The following GRID1 variants were observed in gnomAD, a reference collection of about 807,000 sequenced individuals.
GRID1 encodes glutamate receptor ionotropic, delta-1.
GRID1 carries 28 observed loss-of-function variants against 98.0 expected under a neutral mutation model. That is an observed-to-expected ratio of 0.29 (90% CI 0.21 to 0.39). The LOEUF (loss-of-function observed/expected upper bound fraction) is 0.39, where lower values mean the gene tolerates loss of function less well. GRID1 is among the 10% of genes least tolerant of loss of function. The pLI is 1.00. For missense variants in GRID1, 1,111 were observed against 1,340.5 expected (o/e 0.83, Z 2.67); for synonymous variants, 553 against 538.5 (o/e 1.03, Z -0.37).
At chr10:86,043,012 G>A (rs1843368741) in intron 4 of GRID1, among the ~76,000 whole-genome samples, 1 of 151,756 alleles carries the variant, frequency 6.6e-6, no homozygotes, top group Admixed American at 6.6e-5. Context: ...TTGAGCCAGT[G>A]AGGTCAAGGC....
intron 5 of GRID1, among the ~76,000 whole-genome samples, chr10:85,914,424 G>T (rs908240723): frequency 6.6e-6 from 1 of 152,168 alleles, no homozygotes; most frequent in Non-Finnish European, 1.5e-5. Flanking sequence ...GAGCCACAGA[G>T]AAGTCAGCAA....
At chr10:86,238,441 C>T (rs1846574669) in intron 2 of GRID1, among the ~76,000 whole-genome samples, 1 of 152,156 alleles carries the variant, frequency 6.6e-6, no homozygotes, top group African/African-American at 2.4e-5. Flanking sequence ...GCAGGCAGAT[C>T]ATGAGGTCAA....
chr10:86,191,552 G>A (rs894099708), intron 3 of GRID1, among the ~76,000 whole-genome samples: 14 of 151,608 alleles, frequency 9.2e-5, no homozygotes, highest in Non-Finnish European at 1.9e-4. Flanking sequence ...TGACCACTGA[G>A]AAGCATGGTC....
At chr10:85,749,330 A>G (rs1842025370) in intron 8 of GRID1, among the ~76,000 whole-genome samples, 1 of 152,118 alleles carries the variant, frequency 6.6e-6, no homozygotes, top group African/African-American at 2.4e-5. Context: ...TCACAAGTTG[A>G]TGGGGTAGAA....
intron 2 of GRID1, among the ~76,000 whole-genome samples, chr10:86,285,277 C>T (rs545180230): frequency 6.6e-5 from 10 of 152,344 alleles, no homozygotes; most frequent in Admixed American, 1.3e-4. Context: ...CCTCTCCCGC[C>T]TCTGTCTCAG....
chr10:86,328,557 T>G (rs1171687715), intron 2 of GRID1, among the ~76,000 whole-genome samples: 2 of 152,234 alleles, frequency 1.3e-5, no homozygotes, highest in Non-Finnish European at 2.9e-5. Flanking sequence ...AGCACTTTCA[T>G]GGGCTTTTCC....
At chr10:86,111,675 T>C (rs1844486654) in intron 4 of GRID1, among the ~76,000 whole-genome samples, 1 of 152,214 alleles carries the variant, frequency 6.6e-6, no homozygotes, top group Non-Finnish European at 1.5e-5. Context: ...TATTTGCACC[T>C]GGTGAAAGTG....
intron 10 of GRID1, among the ~76,000 whole-genome samples, chr10:85,725,030 C>A (rs950318497): frequency 1.3e-5 from 2 of 152,060 alleles, no homozygotes; most frequent in Non-Finnish European, 1.5e-5. Context: ...TTCCCTCTAC[C>A]CTCCACCAAG....
chr10:85,974,944 C>T (rs1430593969), intron 4 of GRID1, among the ~76,000 whole-genome samples: 1 of 152,208 alleles, frequency 6.6e-6, no homozygotes, highest in Non-Finnish European at 1.5e-5. Context: ...CTTTGATTGA[C>T]TTTGATCAGT....
intron 8 of GRID1, among the ~76,000 whole-genome samples, chr10:85,736,123 AGGG>A: frequency 7.5e-6 from 1 of 133,544 alleles, no homozygotes; most frequent in Non-Finnish European, 1.6e-5. Context: ...CGAAGGAGGG[AGGG>A]AGAAAGGAAG....
chr10:86,349,067 C>T (rs115297420), intron 2 of GRID1, among the ~76,000 whole-genome samples: 1,809 of 152,304 alleles, frequency 0.012, 32 homozygotes, highest in African/African-American at 0.041. Flanking sequence ...TCCTGGAGTG[C>T]GGAGGGAGGC....
At chr10:85,823,497 T>A (rs1842791822) in intron 8 of GRID1, among the ~76,000 whole-genome samples, 1 of 151,950 alleles carries the variant, frequency 6.6e-6, no homozygotes, top group Admixed American at 6.6e-5. Context: ...AACAGTAACA[T>A]GTGGGTCATG....
At chr10:86,258,697 T>A (rs1173083572) in intron 2 of GRID1, among the ~76,000 whole-genome samples, 1 of 152,148 alleles carries the variant, frequency 6.6e-6, no homozygotes, top group Non-Finnish European at 1.5e-5. Flanking sequence ...AAGGATGACA[T>A]CATAAGGGCA....
chr10:85,832,409 A>C (rs1842874545), intron 8 of GRID1, among the ~76,000 whole-genome samples: 1 of 152,202 alleles, frequency 6.6e-6, no homozygotes, highest in Non-Finnish European at 1.5e-5. Context: ...CTCCATGAAC[A>C]TAAAGAAATT....
chr10:85,848,937 C>T (rs558536081), intron 8 of GRID1, among the ~76,000 whole-genome samples: 3 of 152,264 alleles, frequency 2.0e-5, no homozygotes, highest in South Asian at 2.1e-4. Flanking sequence ...TTCTCTTCTG[C>T]GACTCACTGT....
rs1842943401 is a variant in GRID1, at chr10:85,839,485, C to T, written c.1233+15011G>A. ...TTAGAAATCAAGACAAAGAAATTCA[C>T]TCCAAAGCCTCCAATTACATGGATC... On this transcript the variant is annotated intron_variant, in intron 8 of 15. Coordinates refer to ENST00000327946, the MANE Select transcript of GRID1 (RefSeq NM_017551.3). Among the ~76,000 whole-genome samples, 3 of 152,262 alleles carry T rather than the reference C, an allele frequency of 2.0e-5. No homozygotes were observed. In the South Asian group the frequency reaches 6.2e-4, roughly 32 times the overall value.
chr10:85,691,938 C>A (rs1203770759), intron 12 of GRID1, among the ~76,000 whole-genome samples: 1 of 152,112 alleles, frequency 6.6e-6, no homozygotes, highest in African/African-American at 2.4e-5. Context: ...CGGGGTCCCA[C>A]TGCACACTGG....
At chr10:85,643,132 T>C (rs1590171661) in intron 13 of GRID1, among the ~76,000 whole-genome samples, 1 of 152,142 alleles carries the variant, frequency 6.6e-6, no homozygotes, top group East Asian at 1.9e-4. Flanking sequence ...TTTGCAGCAA[T>C]TAGACATTGC....
At chr10:85,855,787 A>C (rs963923315) in intron 7 of GRID1, among the ~76,000 whole-genome samples, 2 of 152,182 alleles carry the variant, frequency 1.3e-5, no homozygotes, top group African/African-American at 4.8e-5. Context: ...CAAGTTGCTT[A>C]ACCTCTCAGA....
Sources: allele counts gnomAD v4.1 joint callset (sites outside exome capture counted in the v4.1 genomes callset), GRCh38; gene constraint gnomAD v4.1.1; transcripts MANE v1.5; gene names NCBI Gene and HGNC (gene_info 2026-07-23, HGNC 2026-07-21).